Variants in KAZN observed in about 807,000 individuals in gnomAD.
The protein encoded by KAZN is kazrin.
A neutral mutation model predicts 87.4 loss-of-function variants in KAZN; 40 were observed. The ratio of observed to expected loss-of-function variants is 0.46; its 90% CI spans 0.36 to 0.60. The LOEUF (loss-of-function observed/expected upper bound fraction) is 0.60, where lower values mean the gene tolerates loss of function less well. Ranked by LOEUF, KAZN falls within the 20% of genes least tolerant of loss-of-function variation. KAZN has a pLI of 0.00. For synonymous variants in KAZN, 466 were observed against 458.3 expected, an observed-to-expected ratio of 1.02 and a Z score of -0.22; for missense variants, 898 against 1,073.9, an observed-to-expected ratio of 0.84 and a Z score of 2.29.
intron 2 of KAZN, among the ~76,000 whole-genome samples, chr1:14,418,282 C>T (rs1665001523): frequency 6.6e-6 from 1 of 152,118 alleles, no homozygotes; most frequent in South Asian, 2.1e-4. Flanking sequence ...CCCTGGCAGG[C>T]TATCTAACCT....
At chr1:14,852,126 C>T (rs1649521241) in intron 1 of KAZN, among the ~76,000 whole-genome samples, 2 of 152,156 alleles carry the variant, frequency 1.3e-5, no homozygotes, top group African/African-American at 4.8e-5. Flanking sequence ...GGGGGTCTCC[C>T]TGGATCTCCT....
At chr1:14,115,205 C>T (rs1289198501) in intron 1 of KAZN, among the ~76,000 whole-genome samples, 3 of 152,238 alleles carry the variant, frequency 2.0e-5, no homozygotes, top group African/African-American at 7.2e-5. Flanking sequence ...TGTGTCCTCA[C>T]ATGGCAGAGA....
intron 1 of KAZN, among the ~76,000 whole-genome samples, chr1:13,978,145 A>AC (rs1638462813): frequency 6.6e-6 from 1 of 151,224 alleles, no homozygotes; most frequent in African/African-American, 2.4e-5. Context: ...AAAAAAAAAA[A>AC]AAAAAAGGCA....
At chr1:14,351,332 G>A (rs191859213) in intron 2 of KAZN, among the ~76,000 whole-genome samples, 236 of 152,332 alleles carry the variant, frequency 1.5e-3, no homozygotes, top group African/African-American at 4.5e-3. Flanking sequence ...TTGGGAGGCC[G>A]AGGTGGGCAG....
intron 2 of KAZN, among the ~76,000 whole-genome samples, chr1:14,986,002 C>CAAAAAAA (rs56725513): frequency 2.8e-4 from 16 of 56,708 alleles, no homozygotes; most frequent in South Asian, 7.5e-4. Context: ...GACTCTGTCT[C>CAAAAAAA]AAAAAAAAAA....
intron 1 of KAZN, among the ~76,000 whole-genome samples, chr1:14,867,693 T>C (rs1651626941): frequency 6.6e-6 from 1 of 151,750 alleles, no homozygotes; most frequent in Non-Finnish European, 1.5e-5. Flanking sequence ...CTGTGACTTC[T>C]GTCTCTGCTT....
intron 1 of KAZN, among the ~76,000 whole-genome samples, chr1:14,838,780 C>G (rs1647587208): frequency 6.6e-6 from 1 of 152,150 alleles, no homozygotes; most frequent in Non-Finnish European, 1.5e-5. Flanking sequence ...TGCCACCACA[C>G]CTGGCTAATT....
At position 14,599,257 on chromosome 1, in the gene KAZN, G is replaced by A; in HGVS notation, c.226+34G>A. 1.5e-6 allele frequency: 2 copies of A among 1,335,498 alleles called. No homozygotes were observed. Among genetic ancestry groups the A allele is most frequent in the Non-Finnish European group, 1.9e-6 (2 of 1,047,786 alleles). 82.7% of individuals were successfully genotyped at this position (1,335,498 alleles called of 1,614,324 possible). A position where few individuals can be genotyped will look rare whatever the true frequency, so the allele number is the denominator to read the frequency against. ...GCCCCGGCGCCCAGGGCGGAGGAAG[G>A]CGAGCAGAGCACGCCCGGCCTCGGA... On this transcript the variant is annotated intron_variant, in intron 1 of 14. Coordinates refer to ENST00000376030, the MANE Select transcript of KAZN (RefSeq NM_201628.3). This position sits in a 1 kb window ranked among gnomAD's most constrained non-coding sequence, Gnocchi z 4.4.
intron 2 of KAZN, among the ~76,000 whole-genome samples, chr1:14,339,436 T>C (rs703799): frequency 0.13 from 20,481 of 152,050 alleles, 1,632 homozygotes; most frequent in East Asian, 0.36. Flanking sequence ...ACCAGTAGGA[T>C]GTGTATATGC....
chr1:13,989,981 A>G (rs1420333192), intron 1 of KAZN, among the ~76,000 whole-genome samples: 2 of 152,234 alleles, frequency 1.3e-5, no homozygotes, highest in Non-Finnish European at 2.9e-5. Context: ...CCCTTGCAGG[A>G]AAAACTACCC....
At chr1:13,996,818 C>T (rs1234855229) in intron 1 of KAZN, among the ~76,000 whole-genome samples, 1 of 152,108 alleles carries the variant, frequency 6.6e-6, no homozygotes, top group Non-Finnish European at 1.5e-5. Context: ...TGGGTTTCCC[C>T]CCAAGCGAAG....
At chr1:13,917,599 C>T (rs1470409800) in intron 1 of KAZN, among the ~76,000 whole-genome samples, 1 of 151,882 alleles carries the variant, frequency 6.6e-6, no homozygotes, top group Non-Finnish European at 1.5e-5. Context: ...AGTTCAAGAC[C>T]AGCCTGGATA....
chr1:14,075,532 C>A (rs1643417930), intron 1 of KAZN, among the ~76,000 whole-genome samples: 1 of 152,074 alleles, frequency 6.6e-6, no homozygotes, highest in Non-Finnish European at 1.5e-5. Context: ...TGGCATGGAA[C>A]AGAAAGGGGG....
At chr1:14,310,592 T>C (rs1245025604) in intron 2 of KAZN, among the ~76,000 whole-genome samples, 1 of 152,196 alleles carries the variant, frequency 6.6e-6, no homozygotes, top group African/African-American at 2.4e-5. Flanking sequence ...TACCAGACTA[T>C]TGGCAATTTC....
chr1:13,918,574 G>C (rs773128175), intron 1 of KAZN, among the ~76,000 whole-genome samples: 54 of 152,354 alleles, frequency 3.5e-4, no homozygotes, highest in African/African-American at 1.2e-3. Context: ...GGCAGGATTT[G>C]AGAGGACTGA....
intron 2 of KAZN, among the ~76,000 whole-genome samples, chr1:15,033,796 T>TG (rs1336336955): frequency 6.6e-6 from 1 of 152,228 alleles, no homozygotes; most frequent in Non-Finnish European, 1.5e-5. Context: ...TGGAGTGCAG[T>TG]GGTGCAATCT....
rs1188723050 is a variant in KAZN at position 14,538,503 on chromosome 1, TC to T, written c.250-60478del. 8.5e-5 allele frequency among the ~76,000 whole-genome samples: 13 copies of T among 152,286 alleles called. No homozygotes were observed. In the East Asian group the frequency reaches 2.3e-3, roughly 27 times the overall value. On this transcript the variant is annotated intron_variant, in intron 2 of 16. Coordinates refer to the KAZN transcript ENST00000636203. ...TGGTGGCCTAGCCAGAGCTGCATTCTCCGAGGGGAGAAATGCTGTCCTCACA... is the reference window on the plus strand; with the variant it reads ...TGGTGGCCTAGCCAGAGCTGCATTCTCGAGGGGAGAAATGCTGTCCTCACA...
intron 2 of KAZN, among the ~76,000 whole-genome samples, chr1:14,455,067 T>G (rs904928337): frequency 2.1e-5 from 3 of 144,088 alleles, no homozygotes; most frequent in Non-Finnish European, 4.6e-5. Context: ...GAGAAAGAGA[T>G]CCAAGAAAAA....
chr1:14,746,330 T>C (rs755613322), intron 1 of KAZN, among the ~76,000 whole-genome samples: 28 of 152,148 alleles, frequency 1.8e-4, no homozygotes, highest in Non-Finnish European at 2.9e-4. Context: ...TTATTTAACA[T>C]GTTACTGAGT....
Sources: allele counts gnomAD v4.1 joint callset (sites outside exome capture counted in the v4.1 genomes callset), GRCh38; gene constraint gnomAD v4.1.1; non-coding constraint Gnocchi (gnomAD v3.1); transcripts MANE v1.5; gene names NCBI Gene and HGNC (gene_info 2026-07-23, HGNC 2026-07-21).